Variants in GPC5 observed in about 807,000 individuals in gnomAD.
GPC5 encodes the protein glypican-5.
GPC5 carries 47 observed loss-of-function variants against 53.9 expected under a neutral mutation model. The observed-to-expected ratio is 0.87, with a 90% CI of 0.69 to 1.11. The LOEUF (loss-of-function observed/expected upper bound fraction) is 1.11, where lower values mean the gene tolerates loss of function less well. Ranked by LOEUF, GPC5 falls within the 50% of genes most tolerant of loss-of-function variation. The pLI is 0.00. For synonymous variants in GPC5, 286 were observed against 263.3 expected (o/e 1.09, Z -0.84); for missense variants, 748 against 713.1 (o/e 1.05, Z -0.56).
chr13:92,254,340 A>C (rs1263826526), intron 7 of GPC5, among the ~76,000 whole-genome samples: 1 of 152,174 alleles, frequency 6.6e-6, no homozygotes, highest in African/African-American at 2.4e-5. Flanking sequence ...AAATTAGTGG[A>C]AACCTCTTTG....
rs9589229 is a variant in GPC5, at chr13:91,429,629, A to C, written c.164-19132A>C. On this transcript the variant is annotated intron_variant, in intron 1 of 7. Transcript: ENST00000377067. Reference sequence around the variant, plus strand: ...GAAATAGTATAAAGTTATGGAAGTGATGGAACAACACTGTGATCAGAGGAT... The same window carrying C: ...GAAATAGTATAAAGTTATGGAAGTGCTGGAACAACACTGTGATCAGAGGAT... 4.4e-3 allele frequency among the ~76,000 whole-genome samples: 672 copies of C among 152,296 alleles called. 4 individuals carry two copies. Among genetic ancestry groups the C allele is most frequent in the African/African-American group, 0.016 (651 of 41,556 alleles).
chr13:92,516,100 T>C (rs1880765981), intron 7 of GPC5, among the ~76,000 whole-genome samples: 1 of 152,164 alleles, frequency 6.6e-6, no homozygotes, highest in East Asian at 1.9e-4. Flanking sequence ...CAGTATTTAA[T>C]TGCATGCATG....
In GPC5 at chr13:92,334,155, G is replaced by A. The variant is rs910979609; in HGVS notation, c.1561+189166G>A. Among the ~76,000 whole-genome samples, 155 of 152,248 alleles carry A rather than the reference G, an allele frequency of 1.0e-3. 1 individual carries two copies. Among genetic ancestry groups the A allele is most frequent in the African/African-American group, 3.5e-3 (144 of 41,554 alleles). Reference sequence around the variant, plus strand: ...GCTATGAAGAAATACCCAAGACTGAGTAATTTATAAGGAAAAAGAGGTTTA... The same window carrying A: ...GCTATGAAGAAATACCCAAGACTGAATAATTTATAAGGAAAAAGAGGTTTA... On this transcript the variant is annotated intron_variant, in intron 7 of 7. Coordinates refer to ENST00000377067, the MANE Select transcript of GPC5 (RefSeq NM_004466.6).
chr13:91,879,309 A>C (rs1338267010), intron 5 of GPC5, among the ~76,000 whole-genome samples: 1 of 152,160 alleles, frequency 6.6e-6, no homozygotes, highest in Non-Finnish European at 1.5e-5. Flanking sequence ...ATTTTTAGTC[A>C]TTTTAGTAAG....
chr13:91,443,868 C>T (rs569618514), intron 1 of GPC5, among the ~76,000 whole-genome samples: 3 of 152,230 alleles, frequency 2.0e-5, no homozygotes, highest in South Asian at 2.1e-4. Context: ...TCTGTATCTC[C>T]GTTTTTCCAC....
chr13:92,206,599 G>A (rs564495731), intron 7 of GPC5, among the ~76,000 whole-genome samples: 1 of 152,108 alleles, frequency 6.6e-6, no homozygotes, highest in African/African-American at 2.4e-5. Context: ...GATTAATTTT[G>A]TTTTTCCTCA....
At chr13:91,609,594 T>G (rs1473182413) in intron 2 of GPC5, among the ~76,000 whole-genome samples, 2 of 152,184 alleles carry the variant, frequency 1.3e-5, no homozygotes. Context: ...ACTCAAGATG[T>G]CAGGCAAAAC....
chr13:92,416,406 G>A (rs765634683), intron 7 of GPC5, among the ~76,000 whole-genome samples: 33 of 152,312 alleles, frequency 2.2e-4, no homozygotes, highest in Admixed American at 5.2e-4. Context: ...ATTTGATAGT[G>A]AGAATTGATG....
At chr13:91,585,801 A>G (rs867600255) in intron 2 of GPC5, among the ~76,000 whole-genome samples, 5 of 152,174 alleles carry the variant, frequency 3.3e-5, no homozygotes, top group Non-Finnish European at 7.4e-5. Context: ...ACTTCTGTCT[A>G]CGTCTTCTGA....
chr13:91,683,799 T>A (rs1339415418), intron 2 of GPC5, among the ~76,000 whole-genome samples: 1 of 152,222 alleles, frequency 6.6e-6, no homozygotes, highest in Non-Finnish European at 1.5e-5. Context: ...CATATGTGAA[T>A]ATTCAGTAAA....
At chr13:92,291,055 T>C (rs527382281) in intron 7 of GPC5, among the ~76,000 whole-genome samples, 29 of 152,226 alleles carry the variant, frequency 1.9e-4, no homozygotes, top group African/African-American at 6.7e-4. Context: ...GTGCTCAATT[T>C]CTCGCCGGGC....
At chr13:92,795,190 T>C (rs969694435) in intron 7 of GPC5, among the ~76,000 whole-genome samples, 1 of 152,030 alleles carries the variant, frequency 6.6e-6, no homozygotes, top group Non-Finnish European at 1.5e-5. Context: ...AACAGATATA[T>C]AGACCAATGG....
At chr13:91,792,779 C>T (rs1052179569) in intron 5 of GPC5, among the ~76,000 whole-genome samples, 2 of 152,076 alleles carry the variant, frequency 1.3e-5, no homozygotes, top group African/African-American at 2.4e-5. Flanking sequence ...ATGAATTCTT[C>T]GATCAAAAGC....
chr13:91,780,323 A>C (rs2037778672), intron 5 of GPC5, among the ~76,000 whole-genome samples: 2 of 152,038 alleles, frequency 1.3e-5, no homozygotes, highest in South Asian at 2.1e-4. Flanking sequence ...GTCTATCTTA[A>C]AGATATCCTA....
At chr13:92,865,456 G>A (rs1840333315) in intron 7 of GPC5, among the ~76,000 whole-genome samples, 1 of 152,134 alleles carries the variant, frequency 6.6e-6, no homozygotes, top group African/African-American at 2.4e-5. Flanking sequence ...TAAAATAGCT[G>A]AAGTCATAAA....
chr13:91,456,172 A>G (rs979954194), intron 2 of GPC5, among the ~76,000 whole-genome samples: 7 of 152,122 alleles, frequency 4.6e-5, no homozygotes, highest in Non-Finnish European at 7.4e-5. Flanking sequence ...CTGAGGATGA[A>G]TGTAAACTGA....
intron 6 of GPC5, among the ~76,000 whole-genome samples, chr13:92,080,532 A>T (rs2138879646): frequency 6.6e-6 from 1 of 152,316 alleles, no homozygotes; most frequent in East Asian, 1.9e-4. Flanking sequence ...TTCTACATCC[A>T]TCATATCACT....
chr13:92,224,877 AT>A (rs772210743), intron 7 of GPC5, among the ~76,000 whole-genome samples: 1 of 151,910 alleles, frequency 6.6e-6, no homozygotes. Flanking sequence ...CTCTTTACTG[AT>A]TTTTACTTTT....
chr13:92,220,541 C>T lies in GPC5; in HGVS notation c.1561+75552C>T, dbSNP rs369221399. Among the ~76,000 whole-genome samples the T allele has an allele frequency of 5.9e-5, 9 of 152,228 alleles. No homozygotes were observed. In the East Asian group the frequency reaches 1.7e-3, roughly 29 times the overall value. The stretch of plus-strand genomic sequence containing the variant: ...CAGATAGCAATTTTCAAAGTGTATA[C>T]TAGGATACTATCGGGAAGTAAACTT... On this transcript the variant is annotated intron_variant, in intron 7 of 7. Coordinates refer to ENST00000377067, the MANE Select transcript of GPC5 (RefSeq NM_004466.6).
Sources: gnomAD v4.1 joint callset for allele counts (sites outside exome capture counted in the v4.1 genomes callset) on GRCh38, gnomAD v4.1.1 for gene constraint, MANE v1.5 for transcripts, NCBI Gene and HGNC (gene_info 2026-07-23, HGNC 2026-07-21) for gene names.